Variants in RPGRIP1 observed in about 807,000 individuals in gnomAD.
RPGRIP1 encodes X-linked retinitis pigmentosa GTPase regulator-interacting protein 1.
Under a neutral mutation model 157.9 loss-of-function variants are expected in RPGRIP1, and 128 were observed. That is an observed-to-expected ratio of 0.81 (90% confidence interval 0.70 to 0.94). The LOEUF is 0.94. Among genes scored for constraint, RPGRIP1 ranks in the 40% least tolerant of loss-of-function variants. The probability of loss-of-function intolerance (pLI) is 0.00; values close to 1 mark genes in which losing one functional copy is unlikely to be tolerated. For synonymous variants in RPGRIP1, 554 were observed against 571.6 expected, an observed-to-expected ratio of 0.97 and a Z score of 0.44; for missense variants, 1,486 against 1,545.8, an observed-to-expected ratio of 0.96 and a Z score of 0.65.
chr14:21,304,382 GGAGA>G (rs1175981568), intron 6 of RPGRIP1, among the ~76,000 whole-genome samples: 12 of 94,830 alleles, frequency 1.3e-4, no homozygotes, highest in Admixed American at 2.2e-4. Context: ...GAGGGAGGAA[GGAGA>G]GAGAGAAAGA....
chr14:21,310,727 A>G (rs1431350482), intron 8 of RPGRIP1, 120 bp downstream of exon 8: 2 of 658,730 alleles, frequency 3.0e-6, no homozygotes, highest in Non-Finnish European at 5.5e-6. Flanking sequence ...CAATGTTATT[A>G]TGTCATATAG....
chr14:21,335,552 C>T (rs977028215), intron 21 of RPGRIP1, among the ~76,000 whole-genome samples: 4 of 152,084 alleles, frequency 2.6e-5, no homozygotes, highest in East Asian at 3.9e-4. Flanking sequence ...AAAAAAAAGC[C>T]GGTTGCGGTG....
intron 7 of RPGRIP1, among the ~76,000 whole-genome samples, chr14:21,309,213 AT>A (rs1881445458): frequency 6.6e-6 from 1 of 152,162 alleles, no homozygotes; most frequent in Non-Finnish European, 1.5e-5. Context: ...ACAGTGCCAG[AT>A]CAGAAAAGGA....
At chr14:21,329,318 C>G (rs766298727) in intron 19 of RPGRIP1, among the ~76,000 whole-genome samples, 7 of 151,320 alleles carry the variant, frequency 4.6e-5, no homozygotes, top group Non-Finnish European at 1.0e-4. Context: ...GACTCCATCT[C>G]AAAAAAATAA....
intron 7 of RPGRIP1, among the ~76,000 whole-genome samples, chr14:21,308,038 C>T (rs1881390617): frequency 6.6e-6 from 1 of 152,118 alleles, no homozygotes; most frequent in Non-Finnish European, 1.5e-5. Flanking sequence ...CCCATTAGTT[C>T]TCTATTAAGA....
intron 13 of RPGRIP1, 177 bp downstream of exon 13, chr14:21,321,579 C>A: frequency 7.7e-7 from 1 of 1,295,994 alleles, no homozygotes. Context: ...ATGCCCACGG[C>A]ACCTTGGCAC....
intron 19 of RPGRIP1, among the ~76,000 whole-genome samples, chr14:21,329,738 C>G (rs540078189): frequency 5.9e-4 from 89 of 151,184 alleles, no homozygotes; most frequent in East Asian, 2.4e-3. Context: ...TCAGGTGATC[C>G]GCCTGCCTCA....
chr14:21,298,226 C>T (rs1170212285), intron 3 of RPGRIP1, among the ~76,000 whole-genome samples: 1 of 151,982 alleles, frequency 6.6e-6, no homozygotes, highest in Non-Finnish European at 1.5e-5. Flanking sequence ...TGGCTGGGCA[C>T]GGTGGCTCAT....
chr14:21,298,247 C>G (rs377090404), intron 3 of RPGRIP1, among the ~76,000 whole-genome samples: 3 of 152,054 alleles, frequency 2.0e-5, no homozygotes, highest in East Asian at 3.9e-4. Context: ...GCCTGTAGTT[C>G]CAACACTTTG....
intron 11 of RPGRIP1, 120 bp downstream of exon 11, chr14:21,317,970 G>C: frequency 1.2e-6 from 1 of 849,316 alleles, no homozygotes; most frequent in Non-Finnish European, 1.9e-6. Context: ...TTTGTGGGTT[G>C]TAGGTAACTA....
chr14:21,312,391 T>C, intron 9 of RPGRIP1, 42 bp from the exon 10 acceptor site: 1 of 1,422,684 alleles, frequency 7.0e-7, no homozygotes, highest in Non-Finnish European at 9.8e-7. Context: ...TGCAGGGGAA[T>C]AGATTTTAAC....
intron 4 of RPGRIP1, among the ~76,000 whole-genome samples, chr14:21,302,243 A>T (rs1177155714): frequency 6.6e-6 from 1 of 152,132 alleles, no homozygotes; most frequent in Non-Finnish European, 1.5e-5. Flanking sequence ...TGCCCTGGAC[A>T]AGCTTCCACC....
At chr14:21,307,246 G>T (rs1266865100) in intron 6 of RPGRIP1, among the ~76,000 whole-genome samples, 1 of 152,064 alleles carries the variant, frequency 6.6e-6, no homozygotes, top group Non-Finnish European at 1.5e-5. Context: ...TAAAGACAAG[G>T]TTTTGCCATG....
chr14:21,283,253 G>C (rs1485893387), intron 1 of RPGRIP1, among the ~76,000 whole-genome samples: 2 of 152,062 alleles, frequency 1.3e-5, no homozygotes, highest in Non-Finnish European at 2.9e-5. Context: ...TAGGAAACTA[G>C]GAAGGTGGGT....
chr14:21,281,361 C>A (rs986581350), intron 1 of RPGRIP1, among the ~76,000 whole-genome samples: 10 of 152,036 alleles, frequency 6.6e-5, no homozygotes, highest in African/African-American at 2.4e-4. Flanking sequence ...CTCATATGCT[C>A]ATCAATTTTT....
At chr14:21,303,797 G>A (rs183929650) in intron 6 of RPGRIP1, among the ~76,000 whole-genome samples, 53 of 151,782 alleles carry the variant, frequency 3.5e-4, no homozygotes, top group African/African-American at 1.1e-3. Flanking sequence ...GACCAGCCTC[G>A]CCAACATGGA....
At chr14:21,287,730 A>T (rs1041002415) in intron 1 of RPGRIP1, among the ~76,000 whole-genome samples, 4 of 152,184 alleles carry the variant, frequency 2.6e-5, no homozygotes, top group Admixed American at 2.6e-4. Flanking sequence ...ATAATCATAA[A>T]AACTGATTTT....
chr14:21,320,295 ACT>A lies in RPGRIP1; in HGVS notation c.1467+121_1467+122del, dbSNP rs1008492516. The A allele has an allele frequency of 2.9e-5, 29 of 993,432 alleles. No individual in the cohort carries two copies. The South Asian group carries it at 2.9e-4, about 10-fold the overall frequency. The allele number at this position is 993,432 out of a possible 1,614,324, so 61.5% of individuals were successfully genotyped here. A position where few individuals can be genotyped will look rare whatever the true frequency, so the allele number is the denominator to read the frequency against. On this transcript the variant is annotated intron_variant, in intron 12 of 24. Transcript: ENST00000400017. ...ATAATATTTTGTCCTGACTGAGGAC[ACT>A]CTTTTTTTTTTTGAGACAGAGTCTC...
intron 1 of RPGRIP1, among the ~76,000 whole-genome samples, chr14:21,283,084 A>G (rs1159157082): frequency 6.6e-6 from 1 of 152,170 alleles, no homozygotes; most frequent in Non-Finnish European, 1.5e-5. Flanking sequence ...CCATAGTGCC[A>G]TATAGCATTG....
Sources: allele counts gnomAD v4.1 joint callset (sites outside exome capture counted in the v4.1 genomes callset), GRCh38; gene constraint gnomAD v4.1.1; transcripts MANE v1.5; gene names NCBI Gene and HGNC (gene_info 2026-07-23, HGNC 2026-07-21).